TBC1D5: variants seen among roughly 807,000 people sequenced by gnomAD.
TBC1D5 encodes TBC1 domain family member 5.
In TBC1D5, 75 loss-of-function variants were observed where a neutral mutation model predicts 100.3. The ratio of observed to expected loss-of-function variants is 0.75; its 90% CI spans 0.62 to 0.91. TBC1D5 has a LOEUF of 0.91. TBC1D5 is among the 40% of genes least tolerant of loss of function. The pLI is 0.00. For synonymous variants in TBC1D5, 323 were observed against 325.6 expected (o/e 0.99, Z 0.09); for missense variants, 910 against 942.4 (o/e 0.97, Z 0.45).
At chr3:17,698,927 A>C (rs2072640449) in intron 1 of TBC1D5, among the ~76,000 whole-genome samples, 1 of 139,632 alleles carries the variant, frequency 7.2e-6, no homozygotes, top group African/African-American at 2.6e-5. Flanking sequence ...AAATAGGAAC[A>C]CTTTTACACT....
chr3:17,670,513 CT>C (rs1204053069), intron 1 of TBC1D5, among the ~76,000 whole-genome samples: 1 of 152,218 alleles, frequency 6.6e-6, no homozygotes, highest in Non-Finnish European at 1.5e-5. Flanking sequence ...ATCTCACTAC[CT>C]TTTAGGATAG....
intron 17 of TBC1D5, among the ~76,000 whole-genome samples, chr3:17,221,070 A>G (rs938536593): frequency 1.3e-5 from 2 of 151,816 alleles, no homozygotes; most frequent in African/African-American, 4.8e-5. Context: ...TCTTGGGTCA[A>G]TTTTCTTCTT....
chr3:17,261,964 A>G (rs2078346215), intron 15 of TBC1D5, among the ~76,000 whole-genome samples: 1 of 152,074 alleles, frequency 6.6e-6, no homozygotes, highest in African/African-American at 2.4e-5. Flanking sequence ...AAAACTCTAT[A>G]TGTAAGAAAA....
At chr3:17,431,466 T>C (rs748860135) in intron 3 of TBC1D5, among the ~76,000 whole-genome samples, 8 of 151,994 alleles carry the variant, frequency 5.3e-5, no homozygotes, top group Non-Finnish European at 1.0e-4. Flanking sequence ...TAGATGTCTT[T>C]ATTGAGTATA....
Position 17,321,249 on chromosome 3 carries a change from T to A in TBC1D5, c.996-13115A>T, listed in dbSNP as rs181703602. Among the ~76,000 whole-genome samples, 477 of 152,230 alleles carry A rather than the reference T, an allele frequency of 3.1e-3. 9 individuals carry two copies. Among genetic ancestry groups the A allele is most frequent in the Non-Finnish European group, 8.1e-4 (55 of 67,992 alleles). ...TGCTCAGTTACTTTAAAAAAACATT[T>A]TTTGTAGAGACACTATGTTGCCCAG... On this transcript the variant is annotated intron_variant, in intron 13 of 21. Coordinates refer to ENST00000253692, the Ensembl canonical transcript of TBC1D5.
intron 15 of TBC1D5, among the ~76,000 whole-genome samples, chr3:17,259,209 C>A (rs2078036561): frequency 6.6e-6 from 1 of 152,134 alleles, no homozygotes; most frequent in Admixed American, 6.6e-5. Flanking sequence ...AGCAAATTGA[C>A]CAATGCACAT....
chr3:17,500,018 G>A (rs972444500), intron 3 of TBC1D5, among the ~76,000 whole-genome samples: 1 of 149,250 alleles, frequency 6.7e-6, no homozygotes, highest in Non-Finnish European at 1.5e-5. Context: ...GTGGATAAGG[G>A]CTATTGCAAG....
At chr3:17,647,619 C>A (rs540306057) in intron 1 of TBC1D5, among the ~76,000 whole-genome samples, 1 of 152,238 alleles carries the variant, frequency 6.6e-6, no homozygotes, top group Non-Finnish European at 1.5e-5. Context: ...TACTGAAAGA[C>A]TGTCACTGAG....
chr3:17,631,115 A>G (rs578220012), intron 1 of TBC1D5, among the ~76,000 whole-genome samples: 10 of 152,108 alleles, frequency 6.6e-5, no homozygotes, highest in African/African-American at 2.4e-4. Context: ...GAAAAGTTCT[A>G]AAGAAAATTA....
intron 14 of TBC1D5, among the ~76,000 whole-genome samples, chr3:17,293,610 C>A (rs748970930): frequency 6.6e-6 from 1 of 152,140 alleles, no homozygotes; most frequent in Non-Finnish European, 1.5e-5. Flanking sequence ...ACTGGGAAAA[C>A]AACTTTTTGA....
chr3:17,507,174 A>G (rs1397881699), intron 3 of TBC1D5, among the ~76,000 whole-genome samples: 1 of 152,230 alleles, frequency 6.6e-6, no homozygotes, highest in Non-Finnish European at 1.5e-5. Context: ...CTTGCAAAAT[A>G]ATTTGATTTA....
chr3:17,469,012 G>A (rs534433182), intron 3 of TBC1D5, among the ~76,000 whole-genome samples: 63 of 152,186 alleles, frequency 4.1e-4, no homozygotes, highest in African/African-American at 1.3e-3. Flanking sequence ...AATATTTCCC[G>A]AAGTCATTTG....
At chr3:17,446,970 C>CAAAAAAA (rs559803528) in intron 3 of TBC1D5, among the ~76,000 whole-genome samples, 1 of 124,150 alleles carries the variant, frequency 8.1e-6, no homozygotes. Context: ...GACTCCAACT[C>CAAAAAAA]AAAAAAAAAA....
At chr3:17,298,830 G>C (rs1348790627) in intron 14 of TBC1D5, among the ~76,000 whole-genome samples, 3 of 152,118 alleles carry the variant, frequency 2.0e-5, no homozygotes, top group Non-Finnish European at 2.9e-5. Context: ...ACAGTAAAAA[G>C]ATCAGTAGTT....
chr3:17,192,074 C>T (rs2069989516), intron 18 of TBC1D5, among the ~76,000 whole-genome samples: 1 of 151,260 alleles, frequency 6.6e-6, no homozygotes, highest in Non-Finnish European at 1.5e-5. Context: ...ATGGATAGTC[C>T]CCAAATAGTT....
At chr3:17,354,856 T>G (rs1263478064) in intron 13 of TBC1D5, among the ~76,000 whole-genome samples, 1 of 152,010 alleles carries the variant, frequency 6.6e-6, no homozygotes, top group Non-Finnish European at 1.5e-5. Context: ...TCCATATGGA[T>G]GTGTTTTCAT....
At chr3:17,439,018 A>G (rs1490817538) in intron 3 of TBC1D5, among the ~76,000 whole-genome samples, 1 of 152,090 alleles carries the variant, frequency 6.6e-6, no homozygotes, top group East Asian at 1.9e-4. Flanking sequence ...CTTTCAAATA[A>G]TACCTATAGA....
intron 2 of TBC1D5, among the ~76,000 whole-genome samples, chr3:17,592,137 C>T (rs1046325765): frequency 6.6e-6 from 1 of 152,226 alleles, no homozygotes; most frequent in Non-Finnish European, 1.5e-5. Flanking sequence ...AAGCAATTTA[C>T]CTTCAGCTGG....
At chr3:17,710,298 C>T (rs946580046) in intron 1 of TBC1D5, among the ~76,000 whole-genome samples, 3 of 152,098 alleles carry the variant, frequency 2.0e-5, no homozygotes, top group African/African-American at 7.2e-5. Flanking sequence ...GGTGTGGTGG[C>T]TCACACCTGT....
Sources: gnomAD v4.1 joint callset for allele counts (sites outside exome capture counted in the v4.1 genomes callset) on GRCh38, gnomAD v4.1.1 for gene constraint, MANE v1.5 for transcripts, NCBI Gene and HGNC (gene_info 2026-07-23, HGNC 2026-07-21) for gene names.